HIF1A: variants seen among roughly 807,000 people sequenced by gnomAD.
HIF1A encodes hypoxia-inducible factor 1-alpha.
HIF1A carries 24 observed loss-of-function variants against 92.7 expected under a neutral mutation model. That is an observed-to-expected ratio of 0.26 (90% CI 0.19 to 0.36). The LOEUF (loss-of-function observed/expected upper bound fraction) is 0.36, where lower values mean the gene tolerates loss of function less well. Ranked by LOEUF, HIF1A falls within the 10% of genes least tolerant of loss-of-function variation. The pLI is 1.00. For missense variants in HIF1A, 799 were observed against 998.5 expected, an observed-to-expected ratio of 0.80 and a Z score of 2.69; for synonymous variants, 319 against 338.7, an observed-to-expected ratio of 0.94 and a Z score of 0.64.
At chr14:61,714,479 A>G (rs1169633971) in intron 1 of HIF1A, among the ~76,000 whole-genome samples, 2 of 152,218 alleles carry the variant, frequency 1.3e-5, no homozygotes, top group African/African-American at 4.8e-5. Flanking sequence ...TGATGGAATT[A>G]AAAACCTTGA....
intron 4 of HIF1A, among the ~76,000 whole-genome samples, chr14:61,723,467 A>G (rs2044458866): frequency 6.6e-6 from 1 of 152,214 alleles, no homozygotes; most frequent in South Asian, 2.1e-4. Context: ...CGCTTTTCAT[A>G]TTCTTGAATT....
intron 12 of HIF1A, among the ~76,000 whole-genome samples, chr14:61,741,461 G>T (rs1047630105): frequency 6.6e-6 from 1 of 151,492 alleles, no homozygotes; most frequent in East Asian, 1.9e-4. Context: ...TGCCTCCTGG[G>T]TGCAAGAGAT....
chr14:61,729,071 G>C (rs1360492617), intron 6 of HIF1A, among the ~76,000 whole-genome samples: 3 of 152,238 alleles, frequency 2.0e-5, no homozygotes, highest in Non-Finnish European at 4.4e-5. Flanking sequence ...TTTGGAATCA[G>C]ATGTTAGATT....
chr14:61,705,967 T>G (rs1293475056), intron 1 of HIF1A, among the ~76,000 whole-genome samples: 1 of 152,174 alleles, frequency 6.6e-6, no homozygotes, highest in African/African-American at 2.4e-5. Context: ...TGTTTTTTCC[T>G]GTTATGTAAG....
Position 61,744,781 on chromosome 14 carries a change from C to A in HIF1A, c.2170C>A (p.His724Asn), listed in dbSNP as rs1279988447. 1.3e-6 allele frequency: 2 copies of A among 1,590,598 alleles called. No individual in the cohort carries two copies. The highest frequency in any genetic ancestry group is 1.4e-5 in the African/African-American group (1 of 74,044). The change falls in exon 13 of 15, where the codon CAT becomes AAT. Residue 724 changes from histidine (H) to asparagine (N), a missense_variant. His to Asn is a moderately conservative substitution (Grantham distance 68). Transcript: ENST00000337138. ...TGCTCAGAGAAAGCGAAAAATGGAA[C>A]ATGATGGTTCACTTTTTCAAGCAGT... ...QNAQRKRKME[H>N]DGSLFQAVGI...
In HIF1A at chr14:61,695,652, TTC is replaced by T; in HGVS notation, c.-147_-146del. ...CCGGACCCCGGCGATTGCCGCCCGC[TTC>T]TCTCTAGTCTCACGAGGGGTTTCCC... On this transcript the variant is annotated 5_prime_UTR_variant, in exon 1 of 15. Coordinates refer to ENST00000337138, the MANE Select transcript of HIF1A (RefSeq NM_001530.4). 1.3e-6 allele frequency: 1 copy of T among 787,710 alleles called. No individual in the cohort carries two copies. The highest frequency in any genetic ancestry group is 1.8e-5 in the South Asian group (1 of 55,676). 48.8% of individuals were successfully genotyped at this position (787,710 alleles called of 1,614,324 possible). A position where few individuals can be genotyped will look rare whatever the true frequency, so the allele number is the denominator to read the frequency against.
chr14:61,719,005 A>C (rs1006001698), intron 1 of HIF1A, among the ~76,000 whole-genome samples: 1 of 152,226 alleles, frequency 6.6e-6, no homozygotes, highest in Non-Finnish European at 1.5e-5. Context: ...GTCACAATAC[A>C]ACATGTTATA....
chr14:61,744,209 C>T lies in HIF1A; in HGVS notation c.2094-496C>T, dbSNP rs188132419. Among the ~76,000 whole-genome samples the T allele has an allele frequency of 5.0e-3, 755 of 152,118 alleles. 1 individual carries two copies. Among genetic ancestry groups the T allele is most frequent in the Non-Finnish European group, 8.2e-3 (559 of 67,992 alleles). On this transcript the variant is annotated intron_variant, in intron 12 of 14. Transcript: ENST00000337138. The stretch of plus-strand genomic sequence containing the variant: ...AGCTCTATTTTATAAAATAGGGATA[C>T]GCATACTGTAGAAAATTTCCTGTTA...
intron 1 of HIF1A, among the ~76,000 whole-genome samples, chr14:61,712,356 G>C (rs370992980): frequency 1.6e-4 from 24 of 151,928 alleles, no homozygotes; most frequent in East Asian, 1.3e-3. Flanking sequence ...GTGGTAGAAG[G>C]TGAGATCAAA....
intron 8 of HIF1A, among the ~76,000 whole-genome samples, chr14:61,734,773 AG>A (rs1447326098): frequency 7.2e-6 from 1 of 137,986 alleles, no homozygotes; most frequent in Non-Finnish European, 1.5e-5. Context: ...GAGATTAGGG[AG>A]GGGGGAGGGA....
At chr14:61,746,477 A>C (rs2044791862) in intron 14 of HIF1A, among the ~76,000 whole-genome samples, 2 of 143,020 alleles carry the variant, frequency 1.4e-5, no homozygotes, top group Non-Finnish European at 3.0e-5. Flanking sequence ...AGCTCACTGC[A>C]GTCTCAAACT....
chr14:61,727,257 G>A (rs2044517238), intron 5 of HIF1A, among the ~76,000 whole-genome samples, 196 bp from the exon 6 acceptor site: 1 of 152,152 alleles, frequency 6.6e-6, no homozygotes. Flanking sequence ...TAATGTATAG[G>A]CCCTGGGCAG....
At chr14:61,695,914 C>A in intron 1 of HIF1A, 75 bp downstream of exon 1, 1 of 1,392,612 alleles carries the variant, frequency 7.2e-7, no homozygotes, top group Non-Finnish European at 9.9e-7. Context: ...GCTCCTGGGC[C>A]GGCCTCGGCG....
Position 61,711,044 on chromosome 14 carries a change from T to A in HIF1A, c.36-9338T>A, listed in dbSNP as rs1365440718. ...CCTTGGGCAACAGTGCGAGACTCTG[T>A]CTCAAAAAAAAAAAAAAAAAAAGGC... On this transcript the variant is annotated intron_variant, in intron 1 of 14. Coordinates refer to ENST00000337138, the MANE Select transcript of HIF1A (RefSeq NM_001530.4). Among the ~76,000 whole-genome samples, 9 of 33,520 alleles carry A rather than the reference T, an allele frequency of 2.7e-4. No homozygotes were observed. In the East Asian group the frequency reaches 5.6e-3, roughly 21 times the overall value. The allele number at this position is 33,520 out of a possible 152,430, so 22.0% of individuals were successfully genotyped here. A position where few individuals can be genotyped will look rare whatever the true frequency, so the allele number is the denominator to read the frequency against.
intron 9 of HIF1A, 135 bp from the exon 10 acceptor site, chr14:61,737,952 G>C (rs1211967544): frequency 1.6e-6 from 1 of 618,008 alleles, no homozygotes; most frequent in Non-Finnish European, 2.7e-6. Flanking sequence ...GCTTGAACCT[G>C]GGAGGCAGAG....
At chr14:61,735,709 C>T (rs2044627176) in intron 8 of HIF1A, among the ~76,000 whole-genome samples, 1 of 152,216 alleles carries the variant, frequency 6.6e-6, no homozygotes, top group African/African-American at 2.4e-5. Flanking sequence ...TATTGCTCAT[C>T]ATCCCTCTTC....
At chr14:61,744,965 C>A in intron 13 of HIF1A, 152 bp downstream of exon 13, 1 of 479,448 alleles carries the variant, frequency 2.1e-6, no homozygotes, top group Non-Finnish European at 3.8e-6. Context: ...ACTCTGTATG[C>A]ACTGGTTTTT....
intron 1 of HIF1A, among the ~76,000 whole-genome samples, chr14:61,704,082 C>A (rs1374053883): frequency 1.3e-5 from 2 of 152,020 alleles, no homozygotes; most frequent in African/African-American, 4.8e-5. Flanking sequence ...AGAATAATTG[C>A]CTTATAGGAT....
chr14:61,710,812 G>A (rs1179678678), intron 1 of HIF1A, among the ~76,000 whole-genome samples: 6 of 152,108 alleles, frequency 3.9e-5, no homozygotes, highest in Admixed American at 3.3e-4. Context: ...TGTAATCCCA[G>A]CACTTTGGGA....
Sources: gnomAD v4.1 joint callset for allele counts (sites outside exome capture counted in the v4.1 genomes callset) on GRCh38, gnomAD v4.1.1 for gene constraint, MANE v1.5 for transcripts, NCBI Gene and HGNC (gene_info 2026-07-23, HGNC 2026-07-21) for gene names.